The following L3MBTL3 variants were observed in gnomAD, a reference collection of about 807,000 sequenced individuals.
The protein encoded by L3MBTL3 is lethal(3)malignant brain tumor-like protein 3.
L3MBTL3 carries 27 observed loss-of-function variants against 102.3 expected under a neutral mutation model. The ratio of observed to expected loss-of-function variants is 0.26; its 90% CI spans 0.19 to 0.36. L3MBTL3 has a LOEUF of 0.36. Ranked by LOEUF, L3MBTL3 falls within the 10% of genes least tolerant of loss-of-function variation. The pLI is 1.00. For synonymous variants in L3MBTL3, 340 were observed against 320.9 expected (o/e 1.06, Z -0.64); for missense variants, 798 against 955.3 (o/e 0.84, Z 2.17).
At chr6:130,023,431 A>T (rs535819083) in intron 2 of L3MBTL3, among the ~76,000 whole-genome samples, 26 of 152,316 alleles carry the variant, frequency 1.7e-4, no homozygotes, top group Non-Finnish European at 3.2e-4. Context: ...GAGTAAAATC[A>T]GTTTCCTAAG....
intron 2 of L3MBTL3, among the ~76,000 whole-genome samples, chr6:130,031,320 A>C (rs1289475495): frequency 1.3e-5 from 2 of 152,188 alleles, no homozygotes; most frequent in African/African-American, 4.8e-5. Context: ...CCTCTAAAAC[A>C]CTACCTTACT....
intron 19 of L3MBTL3, among the ~76,000 whole-genome samples, chr6:130,113,792 G>T (rs1582599411): frequency 6.6e-6 from 1 of 152,210 alleles, no homozygotes; most frequent in Non-Finnish European, 1.5e-5. Context: ...CACACCGAAA[G>T]CCGAGTCTGT....
intron 19 of L3MBTL3, among the ~76,000 whole-genome samples, chr6:130,108,392 G>A (rs555104235): frequency 9.2e-5 from 14 of 151,732 alleles, no homozygotes; most frequent in Admixed American, 3.9e-4. Flanking sequence ...GTGCCACCAC[G>A]CCCAGCTAAT....
At chr6:130,127,384 A>G (rs994949831) in intron 20 of L3MBTL3, among the ~76,000 whole-genome samples, 3 of 152,180 alleles carry the variant, frequency 2.0e-5, no homozygotes, top group Non-Finnish European at 4.4e-5. Flanking sequence ...GAGGTCTTTC[A>G]GTTTCCTTTA....
intron 20 of L3MBTL3, among the ~76,000 whole-genome samples, chr6:130,131,251 T>C (rs1471460023): frequency 2.6e-5 from 4 of 152,126 alleles, no homozygotes; most frequent in Admixed American, 2.0e-4. Context: ...TAGGGAAAGA[T>C]TATCATTAAT....
intron 4 of L3MBTL3, 109 bp downstream of exon 4, chr6:130,049,502 T>C (rs948003170): frequency 1.3e-6 from 1 of 762,110 alleles, no homozygotes; most frequent in Non-Finnish European, 2.1e-6. Context: ...GTAATTTTTG[T>C]GCCTCATGTT....
chr6:130,121,863 C>G (rs1235475364), intron 20 of L3MBTL3, among the ~76,000 whole-genome samples: 1 of 152,032 alleles, frequency 6.6e-6, no homozygotes, highest in Admixed American at 6.6e-5. Context: ...CTGGCCAACA[C>G]GGTGAAACCC....
At position 130,133,487 on chromosome 6, in the gene L3MBTL3, C is replaced by A; in HGVS notation, c.2002C>A (p.Arg668Ser). Residue 668 changes from arginine to serine, a missense_variant, in exon 21 of 23, where the codon CGT becomes AGT. Coordinates refer to ENST00000361794, the MANE Select transcript of L3MBTL3 (RefSeq NM_032438.4). The surrounding 1 kb of genome is among the most constrained non-coding windows in gnomAD (Gnocchi z 4.9). ...REEPTVQQAQ[R>S]RSAVFLSFKS... ...AGAACCCACCGTCCAGCAGGCACAG[C>A]GTCGGTCAGCTGTCTTTCTGTCCTT... The A allele has an allele frequency of 6.2e-7, 1 of 1,614,094 alleles. No homozygotes were observed. The highest frequency in any genetic ancestry group is 1.1e-5 in the South Asian group (1 of 91,080).
At chr6:130,125,584 C>G (rs1053333737) in intron 20 of L3MBTL3, among the ~76,000 whole-genome samples, 1 of 152,214 alleles carries the variant, frequency 6.6e-6, no homozygotes, top group Admixed American at 6.5e-5. Context: ...AGTCCTGGCA[C>G]AATTCCTCTT....
chr6:130,049,902 C>CTT, intron 5 of L3MBTL3, 72 bp downstream of exon 5: 1 of 1,532,994 alleles, frequency 6.5e-7, no homozygotes, highest in Non-Finnish European at 8.8e-7. Context: ...CAAACCTGCT[C>CTT]TTTCTTCCCT....
chr6:130,140,626 A>G lies in L3MBTL3; in HGVS notation c.*873A>G, dbSNP rs904233427. On this transcript the variant is annotated 3_prime_UTR_variant, in exon 23 of 23. Coordinates refer to ENST00000361794, the MANE Select transcript of L3MBTL3 (RefSeq NM_032438.4). ...GGAATGTTTGTGAGGGTCTTGAACT[A>G]TTTATGAGATGATCTTGAGCTTCTA... is the stretch of plus-strand genomic sequence containing the variant. 6.6e-5 allele frequency: 10 copies of G among 152,138 alleles called. No individual in the cohort carries two copies. The highest frequency in any genetic ancestry group is 2.4e-4 in the African/African-American group (10 of 41,430). The allele number at this position is 152,138 out of a possible 1,614,324, so 9.4% of individuals were successfully genotyped here. A position where few individuals can be genotyped will look rare whatever the true frequency, so the allele number is the denominator to read the frequency against.
intron 2 of L3MBTL3, among the ~76,000 whole-genome samples, chr6:130,024,650 C>T (rs1335103894): frequency 2.6e-5 from 4 of 152,152 alleles, no homozygotes; most frequent in South Asian, 2.1e-4. Context: ...TGGGATGTAC[C>T]GTTGGCATCC....
At chr6:130,122,737 A>T (rs1248710761) in intron 20 of L3MBTL3, among the ~76,000 whole-genome samples, 2 of 152,104 alleles carry the variant, frequency 1.3e-5, no homozygotes, top group Non-Finnish European at 2.9e-5. Flanking sequence ...GGTGGTTTAT[A>T]AGAGGAGGTA....
chr6:130,114,520 T>G (rs1785543339), intron 19 of L3MBTL3, among the ~76,000 whole-genome samples: 1 of 152,230 alleles, frequency 6.6e-6, no homozygotes, highest in African/African-American at 2.4e-5. Context: ...ATAAGAGGAT[T>G]AATTGCTGAG....
Position 130,139,911 on chromosome 6 carries a change from T to A in L3MBTL3, c.*158T>A, listed in dbSNP as rs1788115723. On this transcript the variant is annotated 3_prime_UTR_variant, in exon 23 of 23. Coordinates refer to ENST00000361794, the MANE Select transcript of L3MBTL3 (RefSeq NM_032438.4). ...TTACTCAAGAGACAATATATATGAA[T>A]TCTTATGAAAGTGCTTGAGCTTTTA... 1.5e-6 allele frequency: 1 copy of A among 673,404 alleles called. No homozygotes were observed. The allele number at this position is 673,404 out of a possible 1,614,324, so 41.7% of individuals were successfully genotyped here. A position where few individuals can be genotyped will look rare whatever the true frequency, so the allele number is the denominator to read the frequency against.
intron 14 of L3MBTL3, among the ~76,000 whole-genome samples, chr6:130,080,810 A>C (rs1041387012): frequency 7.2e-5 from 11 of 152,264 alleles, no homozygotes; most frequent in African/African-American, 2.7e-4. Context: ...CACTATTAAA[A>C]AATGCAAAAA....
chr6:130,055,590 C>G (rs1781433627), intron 8 of L3MBTL3, among the ~76,000 whole-genome samples: 1 of 124,338 alleles, frequency 8.0e-6, no homozygotes, highest in Admixed American at 7.9e-5. Flanking sequence ...TTCTCTCCCT[C>G]TCTCCCTCCC....
At chr6:130,094,149 A>C (rs57117596) in intron 17 of L3MBTL3, 116 bp from the exon 18 acceptor site, 33,844 of 625,398 alleles carry the variant, frequency 0.054, 4,428 homozygotes, top group African/African-American at 0.39. Context: ...TATGTTGGTT[A>C]AAAAATTGGA....
intron 16 of L3MBTL3, among the ~76,000 whole-genome samples, 159 bp downstream of exon 16, chr6:130,086,409 A>G (rs933281476): frequency 2.0e-5 from 3 of 152,238 alleles, no homozygotes; most frequent in Non-Finnish European, 4.4e-5. Flanking sequence ...GCATTCTTCC[A>G]GGTTTGTCCT....
Sources: gnomAD v4.1 joint callset for allele counts (sites outside exome capture counted in the v4.1 genomes callset) on GRCh38, gnomAD v4.1.1 for gene constraint, Gnocchi (gnomAD v3.1) non-coding constraint, MANE v1.5 for transcripts, NCBI Gene and HGNC (gene_info 2026-07-23, HGNC 2026-07-21) for gene names.